ANGPTL4: variants seen among roughly 807,000 people sequenced by gnomAD.
ANGPTL4 encodes angiopoietin like 4, also known as angiopoietin-related protein 4.
A neutral mutation model predicts 39.2 loss-of-function variants in ANGPTL4; 39 were observed. That is an observed-to-expected ratio of 1.00 (90% CI 0.77 to 1.30). ANGPTL4 has a LOEUF of 1.30. ANGPTL4 is among the 50% of genes most tolerant of loss of function. ANGPTL4 has a pLI of 0.00. For missense variants in ANGPTL4, 545 were observed against 549.8 expected (o/e 0.99, Z 0.09); for synonymous variants, 233 against 229.5 (o/e 1.02, Z -0.14).
At chr19:8,372,345 C>A (rs1192959754) in intron 6 of ANGPTL4, among the ~76,000 whole-genome samples, 1 of 151,720 alleles carries the variant, frequency 6.6e-6, no homozygotes, top group Non-Finnish European at 1.5e-5. Context: ...AGGCGTGAGC[C>A]ACAATACCCG....
chr19:8,373,618 C>T lies in ANGPTL4; in HGVS notation c.1040-87C>T, dbSNP rs888325167. On this transcript the variant is annotated intron_variant, in intron 6 of 6. Coordinates refer to ENST00000301455, the MANE Select transcript of ANGPTL4 (RefSeq NM_139314.3). Reference sequence around the variant, plus strand: ...AAGCCCAGCCTGGTCCCCAACCTGCCTCATCCTCAACCCTATCCCTATCTC... The same window carrying T: ...AAGCCCAGCCTGGTCCCCAACCTGCTTCATCCTCAACCCTATCCCTATCTC... 5.3e-5 allele frequency: 85 copies of T among 1,591,468 alleles called. No individual in the cohort carries two copies. The Admixed American group carries it at 1.4e-3, about 27-fold the overall frequency.
chr19:8,367,812 A>G (rs1312132458), intron 3 of ANGPTL4, among the ~76,000 whole-genome samples: 1 of 151,782 alleles, frequency 6.6e-6, no homozygotes, highest in Non-Finnish European at 1.5e-5. Flanking sequence ...TCATTCATTC[A>G]TTCATTCATT....
Position 8,373,691 on chromosome 19 carries a change from C to G in ANGPTL4, c.1040-14C>G, listed in dbSNP as rs1971171147. 3 of 1,613,738 alleles carry G rather than the reference C, an allele frequency of 1.9e-6. No individual in the cohort carries two copies. The Admixed American group carries it at 5.0e-5, about 27-fold the overall frequency. ...AAAGACCTGACCATGTTCCCTCTCCCCTGACCCCGGCAGGAGGCTGGTGGT... is the reference window on the plus strand; with the variant it reads ...AAAGACCTGACCATGTTCCCTCTCCGCTGACCCCGGCAGGAGGCTGGTGGT... On this transcript the variant is annotated splice_polypyrimidine_tract_variant and intron_variant, in intron 6 of 6. Transcript: ENST00000301455.
In ANGPTL4 at chr19:8,371,260, G is replaced by C; in HGVS notation, c.777G>C (p.Leu259=). 3.1e-6 allele frequency: 5 copies of C among 1,614,056 alleles called. No homozygotes were observed. The highest frequency in any genetic ancestry group is 3.4e-6 in the Non-Finnish European group (4 of 1,180,034). The change falls in exon 6 of 7, where the codon CTG becomes CTC. Residue 259 remains leucine, a synonymous_variant. Transcript: ENST00000301455. The surrounding 1 kb of genome is among the most constrained non-coding windows in gnomAD (Gnocchi z 5.1). ...GDPHGEFWLG[L]EKVHSITGDR... ...CTCCAGGCGAGTTCTGGCTGGGTCTGGAGAAGGTGCATAGCATCACGGGGG... is the reference window on the plus strand; with the variant it reads ...CTCCAGGCGAGTTCTGGCTGGGTCTCGAGAAGGTGCATAGCATCACGGGGG...
Position 8,366,116 on chromosome 19 carries a change from T to C in ANGPTL4, c.429+52T>C, listed in dbSNP as rs145223309. On this transcript the variant is annotated intron_variant, in intron 2 of 6. Transcript: ENST00000301455. ...GTCCCTCTGATAGCTGGACCCCAGG[T>C]TGAGAGGGAGGTGGTGAGAACTGGA... is the stretch of plus-strand genomic sequence containing the variant. 5.6e-3 allele frequency: 8,936 copies of C among 1,607,484 alleles called. 35 individuals are homozygous for C. The highest frequency in any genetic ancestry group is 6.3e-3 in the Non-Finnish European group (7,428 of 1,174,160).
intron 3 of ANGPTL4, among the ~76,000 whole-genome samples, chr19:8,369,016 C>G (rs1390087517): frequency 1.3e-5 from 2 of 152,106 alleles, no homozygotes; most frequent in Non-Finnish European, 2.9e-5. Context: ...GGCTGGTCCT[C>G]CAGGTGCCTT....
chr19:8,364,773 T>TC, intron 1 of ANGPTL4, 134 bp downstream of exon 1: 1 of 1,168,246 alleles, frequency 8.6e-7, no homozygotes, highest in Non-Finnish European at 1.2e-6. Context: ...AGGGATGGGC[T>TC]CCCCCCTTAG....
intron 3 of ANGPTL4, 106 bp from the exon 4 acceptor site, chr19:8,369,113 T>C: frequency 1.2e-6 from 1 of 840,348 alleles, no homozygotes; most frequent in Non-Finnish European, 1.9e-6. Context: ...GATTTGCCTT[T>C]TACTTCCCTG....
chr19:8,370,798 C>T (rs1971100496), intron 4 of ANGPTL4, among the ~76,000 whole-genome samples: 1 of 152,016 alleles, frequency 6.6e-6, no homozygotes, highest in South Asian at 2.1e-4. Context: ...GTTCAGCTGG[C>T]CCAGAGAGGC....
At position 8,374,048 on chromosome 19, in the gene ANGPTL4, T is replaced by C. The variant is rs147295772; in HGVS notation, c.*162T>C. The C allele has an allele frequency of 1.3e-4, 94 of 740,410 alleles. No homozygotes were observed. The highest frequency in any genetic ancestry group is 1.9e-4 in the Non-Finnish European group (84 of 450,882). The allele number at this position is 740,410 out of a possible 1,614,324, so 45.9% of individuals were successfully genotyped here. ...CGACTGGAGAAGCCCCCTTTCTGAGTGCAGGGGGGCTGCATGCGTTGCCTC... is the reference window on the plus strand; with the variant it reads ...CGACTGGAGAAGCCCCCTTTCTGAGCGCAGGGGGGCTGCATGCGTTGCCTC... On this transcript the variant is annotated 3_prime_UTR_variant, in exon 7 of 7. Transcript: ENST00000301455.
At chr19:8,368,812 G>A (rs1019971201) in intron 3 of ANGPTL4, among the ~76,000 whole-genome samples, 2 of 152,240 alleles carry the variant, frequency 1.3e-5, no homozygotes, top group South Asian at 2.1e-4. Context: ...CCAAGATTGC[G>A]CCACTGCACT....
At position 8,366,190 on chromosome 19, in the gene ANGPTL4, G is replaced by C. The variant is rs374733561; in HGVS notation, c.430-12G>C. The C allele has an allele frequency of 9.9e-6, 16 of 1,613,620 alleles. No homozygotes were observed. In the African/African-American group the frequency reaches 1.5e-4, roughly 15 times the overall value. ...AGGCAGGACCTGACACCCTCCTCCC[G>C]TCCCATCCTAGTTTGGCCTCCTGGA... On this transcript the variant is annotated splice_polypyrimidine_tract_variant and intron_variant, in intron 2 of 6. Transcript: ENST00000301455.
intron 4 of ANGPTL4, among the ~76,000 whole-genome samples, chr19:8,370,225 GAAAATAAAAT>G (rs768645905): frequency 4.6e-5 from 7 of 151,128 alleles, no homozygotes; most frequent in Non-Finnish European, 8.9e-5. Flanking sequence ...ATAAAAAAGA[GAAAATAAAAT>G]AAAATAAAAT....
In ANGPTL4 at chr19:8,371,860, C is replaced by A. The variant is rs1971128232; in HGVS notation, c.1039+338C>A. Among the ~76,000 whole-genome samples, 1 of 151,866 alleles carries A rather than the reference C, an allele frequency of 6.6e-6. No homozygotes were observed. The highest frequency in any genetic ancestry group is 2.1e-4 in the South Asian group (1 of 4,818). ...GCAAGCTCCACCTCCTGAGTTCACACCATTCTCCTGCCTCAGCCTCCCGAG... is the reference window on the plus strand; with the variant it reads ...GCAAGCTCCACCTCCTGAGTTCACAACATTCTCCTGCCTCAGCCTCCCGAG... On this transcript the variant is annotated intron_variant, in intron 6 of 6. Transcript: ENST00000301455. The surrounding 1 kb of genome is among the most constrained non-coding windows in gnomAD (Gnocchi z 5.1).
At chr19:8,368,513 G>C (rs1314269516) in intron 3 of ANGPTL4, among the ~76,000 whole-genome samples, 4 of 152,172 alleles carry the variant, frequency 2.6e-5, no homozygotes, top group Admixed American at 2.6e-4. Context: ...GTCTGGGGGT[G>C]AGGCAAGGCA....
chr19:8,365,879 G>A (rs1034870122), intron 1 of ANGPTL4, 75 bp from the exon 2 acceptor site: 132 of 1,105,764 alleles, frequency 1.2e-4, no homozygotes, highest in Admixed American at 9.0e-4. Context: ...AGATTTGGAA[G>A]GATGGATGAG....
chr19:8,367,614 TG>T (rs1568216076), intron 3 of ANGPTL4, among the ~76,000 whole-genome samples: 1 of 152,072 alleles, frequency 6.6e-6, no homozygotes, highest in Non-Finnish European at 1.5e-5. Flanking sequence ...CCGGCTGGGC[TG>T]GGGGCGGTTC....
chr19:8,372,392 CT>C (rs34408253), intron 6 of ANGPTL4, among the ~76,000 whole-genome samples: 187 of 110,322 alleles, frequency 1.7e-3, no homozygotes, highest in Middle Eastern at 5.3e-3. Flanking sequence ...CCACAGGATT[CT>C]TTTTTTTTTT....
intron 1 of ANGPTL4, 28 bp downstream of exon 1, chr19:8,364,667 C>A: frequency 6.4e-7 from 1 of 1,566,154 alleles, no homozygotes; most frequent in South Asian, 1.2e-5. Flanking sequence ...TGGTTCTCCG[C>A]GCCCCTAGTG....
Sources: allele counts gnomAD v4.1 joint callset (sites outside exome capture counted in the v4.1 genomes callset), GRCh38; gene constraint gnomAD v4.1.1; non-coding constraint Gnocchi (gnomAD v3.1); transcripts MANE v1.5; gene names NCBI Gene and HGNC (gene_info 2026-07-23, HGNC 2026-07-21).